The following DIP2A variants were observed in gnomAD, a reference collection of about 807,000 sequenced individuals.
DIP2A encodes disco-interacting protein 2 homolog A.
DIP2A carries 85 observed loss-of-function variants against 177.4 expected under a neutral mutation model. The ratio of observed to expected loss-of-function variants is 0.48; its 90% CI spans 0.40 to 0.57. The LOEUF (loss-of-function observed/expected upper bound fraction) is 0.57, where lower values mean the gene tolerates loss of function less well. Among genes scored for constraint, DIP2A ranks in the 20% least tolerant of loss-of-function variants. The pLI is 0.00. For synonymous variants in DIP2A, 886 were observed against 881.8 expected (o/e 1.00, Z -0.08); for missense variants, 1,791 against 2,100.2 (o/e 0.85, Z 2.88).
At position 46,481,221 on chromosome 21, in the gene DIP2A, G is replaced by C. The variant is rs562657314; in HGVS notation, c.92-3536G>C. On this transcript the variant is annotated intron_variant, in intron 1 of 37. Transcript: ENST00000417564. ...TCATATAAATGGAATCATATAGCAT[G>C]TAACCTTTCGAGAATGGCTTTCTTC... Among the ~76,000 whole-genome samples the C allele has an allele frequency of 1.2e-4, 18 of 146,978 alleles. No individual in the cohort carries two copies. In the South Asian group the frequency reaches 3.4e-3, roughly 27 times the overall value.
At chr21:46,565,957 C>G (rs2060824056) in intron 36 of DIP2A, 70 bp downstream of exon 36, 2 of 1,533,226 alleles carry the variant, frequency 1.3e-6, no homozygotes, top group South Asian at 2.4e-5. Flanking sequence ...AGAGCTTAGT[C>G]ACCTGCTAGC....
intron 32 of DIP2A, chr21:46,558,672 A>G (rs1015295934): frequency 1.3e-5 from 6 of 451,138 alleles, no homozygotes; most frequent in Non-Finnish European, 2.4e-5. Context: ...AAACACAGCT[A>G]AGTTCTTAAA....
rs956948767 is a variant in DIP2A at position 46,524,605 on chromosome 21, G to T, written c.1103-4487G>T. Among the ~76,000 whole-genome samples the T allele has an allele frequency of 5.9e-5, 9 of 152,142 alleles. No homozygotes were observed. In the South Asian group the frequency reaches 6.2e-4, roughly 10 times the overall value. On this transcript the variant is annotated intron_variant, in intron 8 of 37. Transcript: ENST00000417564. ...GACCTTGTGCAAGAAAGAATTCAGG[G>T]CAAGTCAGTGTAGTAAAGTGAAAGC...
intron 11 of DIP2A, 54 bp from the exon 12 acceptor site, chr21:46,533,950 G>A (rs1268711989): frequency 6.8e-7 from 1 of 1,467,630 alleles, no homozygotes; most frequent in African/African-American, 1.4e-5. Context: ...TTCGAGTGTG[G>A]GGAGCAGATG....
chr21:46,475,095 C>T (rs1473739442), intron 1 of DIP2A, among the ~76,000 whole-genome samples: 1 of 152,190 alleles, frequency 6.6e-6, no homozygotes, highest in Non-Finnish European at 1.5e-5. Flanking sequence ...TAACACTCTT[C>T]CTAACTGTTC....
In DIP2A at chr21:46,556,518, C is replaced by T; in HGVS notation, c.3499-421C>T. 3.8e-6 allele frequency: 2 copies of T among 531,650 alleles called. No homozygotes were observed. Among genetic ancestry groups the T allele is most frequent in the South Asian group, 3.6e-5 (2 of 54,884 alleles). The allele number at this position is 531,650 out of a possible 1,614,324, so 32.9% of individuals were successfully genotyped here. The stretch of plus-strand genomic sequence containing the variant: ...CCAACGTGGTGAAACCCCGTCTCTA[C>T]TAAAAATACAAAAAATTAGCTGGGC... On this transcript the variant is annotated intron_variant, in intron 29 of 37. Transcript: ENST00000417564. The surrounding 1 kb of genome is among the most constrained non-coding windows in gnomAD (Gnocchi z 4.5).
chr21:46,495,240 T>TCTCTC (rs60545868), intron 3 of DIP2A, among the ~76,000 whole-genome samples: 536 of 47,030 alleles, frequency 0.011, 1 homozygote, highest in Non-Finnish European at 0.013. Flanking sequence ...TTCTCTTCTC[T>TCTCTC]TCTTTCTCTC....
intron 1 of DIP2A, among the ~76,000 whole-genome samples, chr21:46,471,675 G>A (rs11089067): frequency 0.17 from 25,809 of 152,160 alleles, 3,917 homozygotes; most frequent in African/African-American, 0.41. Flanking sequence ...ATTGTGTATT[G>A]ATAGATTATC....
intron 12 of DIP2A, 122 bp downstream of exon 12, chr21:46,534,235 T>C (rs1300975330): frequency 2.6e-6 from 2 of 756,414 alleles, no homozygotes; most frequent in Admixed American, 2.4e-5. Context: ...GTTCTTGTTT[T>C]ATCTCTGCCC....
In DIP2A at chr21:46,562,663, G is replaced by T. The variant is rs569309564; in HGVS notation, c.4089+858G>T. Among the ~76,000 whole-genome samples the T allele has an allele frequency of 3.3e-4, 51 of 152,338 alleles. No homozygotes were observed. The South Asian group carries it at 0.011, about 32-fold the overall frequency. ...ACAGGGAGGCCAGTGGGACTGGGCT[G>T]AGTGTGGGGAGCAGAAGGAGTGCGT... On this transcript the variant is annotated intron_variant, in intron 34 of 37. Coordinates refer to ENST00000417564, the MANE Select transcript of DIP2A (RefSeq NM_015151.4).
chr21:46,548,715 A>T (rs1268760814), intron 21 of DIP2A, among the ~76,000 whole-genome samples: 1 of 151,702 alleles, frequency 6.6e-6, no homozygotes, highest in Non-Finnish European at 1.5e-5. Context: ...TGGTGTCCAG[A>T]TAGCAGACTC....
chr21:46,482,728 G>C (rs556249824), intron 1 of DIP2A, among the ~76,000 whole-genome samples: 2 of 152,188 alleles, frequency 1.3e-5, no homozygotes, highest in East Asian at 3.9e-4. Context: ...TTTGAGAATG[G>C]GTTTTTAGAA....
chr21:46,548,391 T>A (rs11089077), intron 21 of DIP2A, among the ~76,000 whole-genome samples: 1 of 152,102 alleles, frequency 6.6e-6, no homozygotes, highest in East Asian at 1.9e-4. Flanking sequence ...TGATGGTGAC[T>A]GCGTCTGCAG....
rs773418824 is a variant in DIP2A, at chr21:46,539,920, C to A, written c.1965C>A (p.Ser655=). 2 of 1,613,882 alleles carry A rather than the reference C, an allele frequency of 1.2e-6. No individual in the cohort carries two copies. The highest frequency in any genetic ancestry group is 2.7e-5 in the African/African-American group (2 of 74,908). ...ACGCCTTCCTCAACGTCTTCCAGTCCAGAGGTCTGAGGCCAGAGGTCATCT... is the reference window on the plus strand; with the variant it reads ...ACGCCTTCCTCAACGTCTTCCAGTCAAGAGGTCTGAGGCCAGAGGTCATCT... ...SCDAFLNVFQ[S]RGLRPEVICP... The change falls in exon 17 of 38, where the codon TCC becomes TCA. Residue 655 remains serine (S), a synonymous_variant. Coordinates refer to ENST00000417564, the MANE Select transcript of DIP2A (RefSeq NM_015151.4).
intron 1 of DIP2A, among the ~76,000 whole-genome samples, chr21:46,475,539 A>G (rs1211714749): frequency 6.6e-6 from 1 of 152,272 alleles, no homozygotes; most frequent in Non-Finnish European, 1.5e-5. Context: ...AGTCAGCCAC[A>G]GGCTTCAGTT....
rs8130821 is a variant in DIP2A at position 46,466,929 on chromosome 21, G to C, written c.91+7707G>C. Among the ~76,000 whole-genome samples, 965 of 152,092 alleles carry C rather than the reference G, an allele frequency of 6.3e-3. 13 individuals are homozygous for C. Among genetic ancestry groups the C allele is most frequent in the African/African-American group, 0.022 (925 of 41,494 alleles). On this transcript the variant is annotated intron_variant, in intron 1 of 37. Transcript: ENST00000417564. ...ATACCTCTTCTTACTAAATGTTTTT[G>C]TTTTCAGAAATCTTTTATTTTTAGT...
chr21:46,498,936 A>G lies in DIP2A; in HGVS notation c.655+103A>G. ...GCACCTGAGCCAGGCGCCACCCTGCAGACTTAGCTGCAGGCCTGAGTGCTC... is the reference window on the plus strand; with the variant it reads ...GCACCTGAGCCAGGCGCCACCCTGCGGACTTAGCTGCAGGCCTGAGTGCTC... On this transcript the variant is annotated intron_variant, in intron 5 of 37. Coordinates refer to ENST00000417564, the MANE Select transcript of DIP2A (RefSeq NM_015151.4). The surrounding 1 kb of genome is among the most constrained non-coding windows in gnomAD (Gnocchi z 4.3). 2.8e-6 allele frequency: 4 copies of G among 1,423,538 alleles called. No individual in the cohort carries two copies. The highest frequency in any genetic ancestry group is 3.7e-6 in the Non-Finnish European group (4 of 1,077,604). 88.2% of individuals were successfully genotyped at this position (1,423,538 alleles called of 1,614,324 possible). A position where few individuals can be genotyped will look rare whatever the true frequency, so the allele number is the denominator to read the frequency against.
chr21:46,548,046 C>A (rs995839382), intron 21 of DIP2A, among the ~76,000 whole-genome samples: 5 of 152,158 alleles, frequency 3.3e-5, no homozygotes, highest in African/African-American at 1.2e-4. Flanking sequence ...GCCCTTAAAG[C>A]AATCGTGAGG....
intron 11 of DIP2A, 56 bp downstream of exon 11, chr21:46,533,703 G>GC: frequency 3.1e-6 from 5 of 1,604,252 alleles, no homozygotes; most frequent in Non-Finnish European, 4.3e-6. Flanking sequence ...TGTGTTAAAT[G>GC]CATGGTGTTC....
Sources: gnomAD v4.1 joint callset for allele counts (sites outside exome capture counted in the v4.1 genomes callset) on GRCh38, gnomAD v4.1.1 for gene constraint, Gnocchi (gnomAD v3.1) non-coding constraint, MANE v1.5 for transcripts, NCBI Gene and HGNC (gene_info 2026-07-23, HGNC 2026-07-21) for gene names.